Variants in CTNNA2 observed in about 807,000 individuals in gnomAD.
CTNNA2 encodes catenin alpha 2.
Under a neutral mutation model 101.0 loss-of-function variants are expected in CTNNA2, and 42 were observed. The ratio of observed to expected loss-of-function variants is 0.42; its 90% CI spans 0.32 to 0.54. The LOEUF (loss-of-function observed/expected upper bound fraction) is 0.54, where lower values mean the gene tolerates loss of function less well. CTNNA2 is among the 20% of genes least tolerant of loss of function. The pLI, the probability that CTNNA2 is intolerant of heterozygous loss-of-function variation, is 0.14. For synonymous variants in CTNNA2, 450 were observed against 456.4 expected (o/e 0.99, Z 0.18); for missense variants, 871 against 1,223.1 (o/e 0.71, Z 4.29).
chr2:80,153,610 A>G (rs989989527), intron 7 of CTNNA2, among the ~76,000 whole-genome samples: 7 of 152,066 alleles, frequency 4.6e-5, no homozygotes, highest in African/African-American at 1.7e-4. Context: ...CTCCATTCCT[A>G]TGGATTAGCT....
chr2:80,061,820 T>C (rs1053798174), intron 7 of CTNNA2, among the ~76,000 whole-genome samples: 1 of 152,190 alleles, frequency 6.6e-6, no homozygotes, highest in Non-Finnish European at 1.5e-5. Context: ...ATGTATTTTA[T>C]AGATGAGTGA....
At chr2:79,552,145 A>G (rs1180809469) in intron 1 of CTNNA2, among the ~76,000 whole-genome samples, 1 of 152,208 alleles carries the variant, frequency 6.6e-6, no homozygotes, top group African/African-American at 2.4e-5. Context: ...CCAGTTAGTT[A>G]CTTCCAAGAT....
At chr2:79,761,813 A>G (rs1306536789) in intron 3 of CTNNA2, among the ~76,000 whole-genome samples, 1 of 152,226 alleles carries the variant, frequency 6.6e-6, no homozygotes, top group Non-Finnish European at 1.5e-5. Flanking sequence ...AAATGTCATG[A>G]TTAAAAATAT....
rs1573932200 is a variant in CTNNA2, at chr2:80,393,369, C to T, written c.1137+78C>T. 7 of 1,020,718 alleles carry T rather than the reference C, an allele frequency of 6.9e-6. No individual in the cohort carries two copies. In the East Asian group the frequency reaches 1.7e-4, roughly 25 times the overall value. 63.2% of individuals were successfully genotyped at this position (1,020,718 alleles called of 1,614,324 possible). A position where few individuals can be genotyped will look rare whatever the true frequency, so the allele number is the denominator to read the frequency against. The stretch of plus-strand genomic sequence containing the variant: ...ACAATATCCTTTTCCAGGGTGTCTT[C>T]TTGGAGATGACAATGAGGTTGTTAT... On this transcript the variant is annotated intron_variant, in intron 8 of 18. Transcript: ENST00000402739.
At chr2:79,259,914 T>A (rs1027186433) in intron 2 of CTNNA2, among the ~76,000 whole-genome samples, 2 of 152,186 alleles carry the variant, frequency 1.3e-5, no homozygotes, top group African/African-American at 4.8e-5. Flanking sequence ...ATTTGGTCAG[T>A]TTGGGTGCAA....
chr2:80,561,672 C>CT (rs564281694), intron 12 of CTNNA2, among the ~76,000 whole-genome samples: 6 of 151,954 alleles, frequency 3.9e-5, no homozygotes, highest in Non-Finnish European at 8.8e-5. Flanking sequence ...CTTCCTCTCT[C>CT]TTTTTTTGAG....
intron 4 of CTNNA2, among the ~76,000 whole-genome samples, chr2:79,393,766 C>CATT (rs1170788383): frequency 6.6e-6 from 1 of 152,014 alleles, no homozygotes; most frequent in Non-Finnish European, 1.5e-5. Flanking sequence ...TTCTCCATCA[C>CATT]AGCTCCAATC....
At chr2:80,285,399 T>A (rs541290768) in intron 7 of CTNNA2, among the ~76,000 whole-genome samples, 1 of 152,328 alleles carries the variant, frequency 6.6e-6, no homozygotes, top group African/African-American at 2.4e-5. Context: ...AATGTCTTAA[T>A]AAAAGTCAGT....
At chr2:80,550,171 G>A (rs901425680) in intron 11 of CTNNA2, among the ~76,000 whole-genome samples, 1 of 152,182 alleles carries the variant, frequency 6.6e-6, no homozygotes, top group Non-Finnish European at 1.5e-5. Context: ...GTGCATATAA[G>A]TTATGTTTAC....
chr2:79,630,112 G>A (rs969207125), intron 1 of CTNNA2, among the ~76,000 whole-genome samples: 1 of 152,056 alleles, frequency 6.6e-6, no homozygotes, highest in Non-Finnish European at 1.5e-5. Context: ...CACACTTAAC[G>A]TACCCTGCTT....
At chr2:80,560,608 C>T (rs1278706714) in intron 12 of CTNNA2, among the ~76,000 whole-genome samples, 2 of 152,152 alleles carry the variant, frequency 1.3e-5, no homozygotes, top group African/African-American at 4.8e-5. Context: ...GGACGAGGGC[C>T]TTCATTATTC....
intron 3 of CTNNA2, among the ~76,000 whole-genome samples, chr2:79,365,327 A>G (rs1677721392): frequency 6.6e-6 from 1 of 152,164 alleles, no homozygotes; most frequent in South Asian, 2.1e-4. Flanking sequence ...GAATTCAGAA[A>G]GTGACAAGAT....
chr2:79,597,462 T>G (rs1573440748), intron 1 of CTNNA2, among the ~76,000 whole-genome samples: 1 of 58,336 alleles, frequency 1.7e-5, no homozygotes. Flanking sequence ...ACAGAGCGGG[T>G]CTCAAAAAAA....
intron 7 of CTNNA2, among the ~76,000 whole-genome samples, chr2:80,205,424 T>TA (rs1707472519): frequency 6.6e-6 from 1 of 152,154 alleles, no homozygotes; most frequent in South Asian, 2.1e-4. Flanking sequence ...AAGAGCACAA[T>TA]AATTAGTGTT....
chr2:79,383,949 G>A (rs1177435462), intron 4 of CTNNA2, among the ~76,000 whole-genome samples: 1 of 152,132 alleles, frequency 6.6e-6, no homozygotes, highest in Non-Finnish European at 1.5e-5. Flanking sequence ...GACAGAGAGG[G>A]AAAGGAGAGT....
intron 7 of CTNNA2, among the ~76,000 whole-genome samples, chr2:80,311,274 A>G (rs114077917): frequency 0.011 from 1,606 of 152,284 alleles, 38 homozygotes; most frequent in African/African-American, 0.036. Flanking sequence ...ATTAATACAT[A>G]ATGCCAAATT....
At chr2:79,318,099 T>A (rs576866094) in intron 3 of CTNNA2, among the ~76,000 whole-genome samples, 1 of 152,112 alleles carries the variant, frequency 6.6e-6, no homozygotes, top group Non-Finnish European at 1.5e-5. Flanking sequence ...TATTATGATA[T>A]GTTTTTGTAA....
chr2:80,308,892 C>T (rs940312460), intron 7 of CTNNA2, among the ~76,000 whole-genome samples: 2 of 152,098 alleles, frequency 1.3e-5, no homozygotes, highest in African/African-American at 4.8e-5. Context: ...CCAGCCTGGC[C>T]AACATGGTGA....
At chr2:80,013,651 A>G (rs1693935496) in intron 7 of CTNNA2, among the ~76,000 whole-genome samples, 1 of 152,056 alleles carries the variant, frequency 6.6e-6, no homozygotes, top group South Asian at 2.1e-4. Context: ...TCTTCCACCC[A>G]CGTAATTTAC....
Sources: allele counts gnomAD v4.1 joint callset (sites outside exome capture counted in the v4.1 genomes callset), GRCh38; gene constraint gnomAD v4.1.1; transcripts MANE v1.5; gene names NCBI Gene and HGNC (gene_info 2026-07-23, HGNC 2026-07-21).